Variants in ZNF503 observed in about 807,000 individuals in gnomAD.
ZNF503 encodes the protein zinc finger protein 503.
ZNF503 carries 15 observed loss-of-function variants against 34.4 expected under a neutral mutation model. That is an observed-to-expected ratio of 0.44 (90% confidence interval 0.29 to 0.67). The LOEUF is 0.67. Ranked by LOEUF, ZNF503 falls within the 30% of genes least tolerant of loss-of-function variation. The pLI is 0.13. For missense variants in ZNF503, 1,007 were observed against 926.8 expected (o/e 1.09, Z -1.12); for synonymous variants, 580 against 456.8 (o/e 1.27, Z -3.44).
the ZNF503 span, among the ~76,000 whole-genome samples, chr10:75,356,776 G>T: frequency 6.6e-6 from 1 of 152,228 alleles, no homozygotes; most frequent in East Asian, 1.9e-4. Context: ...AGAACTTTGG[G>T]CTTAATTCTC....
At chr10:75,356,990 G>GA in the ZNF503 span, among the ~76,000 whole-genome samples, 1 of 152,166 alleles carries the variant, frequency 6.6e-6, no homozygotes, top group African/African-American at 2.4e-5. Context: ...CATCCCACAA[G>GA]AAAAAACAGG....
chr10:75,329,263 TCCTGCAA>T, the ZNF503 span, among the ~76,000 whole-genome samples: 2 of 152,194 alleles, frequency 1.3e-5, no homozygotes, highest in Non-Finnish European at 2.9e-5. Flanking sequence ...TGATTTTGTA[TCCTGCAA>T]CTTTGCTGAA....
At chr10:75,392,446 G>A in the ZNF503 span, among the ~76,000 whole-genome samples, 30 of 152,192 alleles carry the variant, frequency 2.0e-4, no homozygotes, top group African/African-American at 7.0e-4. Flanking sequence ...TCGGTGTGTG[G>A]TGGGGGGAAA....
At chr10:75,359,610 A>G in the ZNF503 span, among the ~76,000 whole-genome samples, 15 of 152,132 alleles carry the variant, frequency 9.9e-5, no homozygotes, top group Non-Finnish European at 1.8e-4. Flanking sequence ...CCACATCTTC[A>G]CTAAATCTAT....
At chr10:75,361,276 G>A in the ZNF503 span, 7 of 152,280 alleles carry the variant, frequency 4.6e-5, no homozygotes, top group African/African-American at 1.7e-4. Context: ...TGCAGGCTTA[G>A]CACAGGGTCT....
the ZNF503 span, among the ~76,000 whole-genome samples, chr10:75,303,576 T>C: frequency 6.6e-6 from 1 of 152,236 alleles, no homozygotes; most frequent in Non-Finnish European, 1.5e-5. Context: ...GATTCTTTCT[T>C]AATTCACACT....
chr10:75,398,637 C>G lies in ZNF503; in HGVS notation c.*112G>C. 1 of 1,027,652 alleles carries G rather than the reference C, an allele frequency of 9.7e-7. No homozygotes were observed. The highest frequency in any genetic ancestry group is 1.3e-6 in the Non-Finnish European group (1 of 790,422). 63.7% of individuals were successfully genotyped at this position (1,027,652 alleles called of 1,614,324 possible). ...GTATACATTTCTTTCCTTTCGTGGC[C>G]CGAGTCCTCCCCACGCGCGGGTGTC... On this transcript the variant is annotated 3_prime_UTR_variant, in exon 2 of 2. Coordinates refer to ENST00000372524, the MANE Select transcript of ZNF503 (RefSeq NM_032772.6).
Position 75,401,130 on chromosome 10 carries a change from G to C in ZNF503, c.290C>G (p.Pro97Arg), listed in dbSNP as rs1194550634. 2 of 1,613,332 alleles carry C rather than the reference G, an allele frequency of 1.2e-6. No homozygotes were observed. The highest frequency in any genetic ancestry group is 2.2e-5 in the East Asian group (1 of 44,874). ...CTCGATGGGGCTGACCGGCGTGGAA[G>C]GCAGGGGCTGCAGGTACTCGGGGTG... ...ILHPEYLQPL[P>R]STPVSPIELD... The change falls in exon 1 of 2, where the codon CCT becomes CGT. Residue 97 changes from proline (P) to arginine (R), a missense_variant. Transcript: ENST00000372524.
At chr10:75,328,973 C>T in the ZNF503 span, among the ~76,000 whole-genome samples, 1 of 152,128 alleles carries the variant, frequency 6.6e-6, no homozygotes, top group African/African-American at 2.4e-5. Context: ...TCTAGAACTC[C>T]TGACCTCAGG....
At chr10:75,367,280 C>T in the ZNF503 span, among the ~76,000 whole-genome samples, 1 of 152,192 alleles carries the variant, frequency 6.6e-6, no homozygotes, top group Non-Finnish European at 1.5e-5. Flanking sequence ...CTCTCACCAG[C>T]TGTCTGTTCC....
chr10:75,339,598 C>A, the ZNF503 span, among the ~76,000 whole-genome samples: 28 of 152,112 alleles, frequency 1.8e-4, no homozygotes, highest in Non-Finnish European at 3.5e-4. Flanking sequence ...AAAGAGAGAG[C>A]CCAGTGATAG....
At chr10:75,401,080 T>C in intron 1 of ZNF503, 25 bp downstream of exon 1, 1 of 1,613,516 alleles carries the variant, frequency 6.2e-7, no homozygotes, top group Non-Finnish European at 8.5e-7. Context: ...GTGGTCCCAG[T>C]GCGATCCAGA....
chr10:75,307,627 G>C, the ZNF503 span, among the ~76,000 whole-genome samples: 1 of 152,354 alleles, frequency 6.6e-6, no homozygotes, highest in East Asian at 1.9e-4. Context: ...AATGGAAGAA[G>C]ATGTCATTTA....
At chr10:75,337,594 G>C in the ZNF503 span, among the ~76,000 whole-genome samples, 3 of 151,018 alleles carry the variant, frequency 2.0e-5, no homozygotes, top group Non-Finnish European at 4.4e-5. Context: ...CTCCAGCCTG[G>C]GTGAAAGAGC....
the ZNF503 span, among the ~76,000 whole-genome samples, chr10:75,309,047 T>A: frequency 1.3e-5 from 2 of 152,154 alleles, no homozygotes; most frequent in African/African-American, 4.8e-5. Flanking sequence ...TTTCACCATG[T>A]TGCCTAGGCT....
At chr10:75,373,063 GA>G in the ZNF503 span, among the ~76,000 whole-genome samples, 3 of 152,212 alleles carry the variant, frequency 2.0e-5, no homozygotes, top group African/African-American at 7.2e-5. Context: ...TGGGAAAAAC[GA>G]ACCTCTTCTT....
chr10:75,286,783 A>C, the ZNF503 span, among the ~76,000 whole-genome samples: 2 of 152,190 alleles, frequency 1.3e-5, no homozygotes, highest in East Asian at 3.9e-4. Context: ...TCCAGGGCTT[A>C]CAGGGGGCCA....
At chr10:75,357,149 A>G in the ZNF503 span, among the ~76,000 whole-genome samples, 56 of 152,008 alleles carry the variant, frequency 3.7e-4, no homozygotes, top group African/African-American at 1.3e-3. Flanking sequence ...CATGGTTTGT[A>G]TAGCTGGTTC....
the ZNF503 span, among the ~76,000 whole-genome samples, chr10:75,364,545 G>A: frequency 2.6e-5 from 4 of 152,234 alleles, no homozygotes; most frequent in South Asian, 2.1e-4. Context: ...GTCTGGCAGC[G>A]GTAGGGCCCC....
Sources: gnomAD v4.1 joint callset for allele counts (sites outside exome capture counted in the v4.1 genomes callset) on GRCh38, gnomAD v4.1.1 for gene constraint, MANE v1.5 for transcripts, NCBI Gene and HGNC (gene_info 2026-07-23, HGNC 2026-07-21) for gene names.